Variants in PRDM16 observed in about 807,000 individuals in gnomAD.
PRDM16 encodes PR/SET domain 16.
PRDM16 carries 23 observed loss-of-function variants against 110.6 expected under a neutral mutation model. The ratio of observed to expected loss-of-function variants is 0.21; its 90% confidence interval spans 0.15 to 0.29. PRDM16 has a LOEUF of 0.29. Ranked by LOEUF, PRDM16 falls within the 10% of genes least tolerant of loss-of-function variation. PRDM16 has a pLI of 1.00. For synonymous variants in PRDM16, 799 were observed against 781.8 expected (o/e 1.02, Z -0.37); for missense variants, 1,615 against 1,794.3 (o/e 0.90, Z 1.81).
chr1:3,202,343 G>T (rs955382163), intron 2 of PRDM16, among the ~76,000 whole-genome samples: 9 of 150,218 alleles, frequency 6.0e-5, no homozygotes, highest in Non-Finnish European at 1.2e-4. Flanking sequence ...CATGCTGGGG[G>T]AGTCTGGGGG....
chr1:3,269,030 G>A (rs2455121), intron 3 of PRDM16, among the ~76,000 whole-genome samples: 39,634 of 152,280 alleles, frequency 0.26, 7,802 homozygotes, highest in African/African-American at 0.53. Flanking sequence ...GAGGCAGTGA[G>A]TCTTGGAGAC....
At chr1:3,385,054 T>C (rs1026358205) in intron 3 of PRDM16, 98 bp from the exon 4 acceptor site, 34 of 1,486,286 alleles carry the variant, frequency 2.3e-5, no homozygotes, top group Non-Finnish European at 3.0e-5. Context: ...GCCTTCCTAC[T>C]TGAGCCCAAA....
At position 3,358,930 on chromosome 1, in the gene PRDM16, A is replaced by G. The variant is rs1318874129; in HGVS notation, c.439-26222A>G. Among the ~76,000 whole-genome samples, 2 of 152,174 alleles carry G rather than the reference A, an allele frequency of 1.3e-5. No homozygotes were observed. Among genetic ancestry groups the G allele is most frequent in the African/African-American group, 4.8e-5 (2 of 41,450 alleles). On this transcript the variant is annotated intron_variant, in intron 3 of 16. Coordinates refer to ENST00000270722, the MANE Select transcript of PRDM16 (RefSeq NM_022114.4). This position sits in a 1 kb window ranked among gnomAD's most constrained non-coding sequence, Gnocchi z 4.0. ...AAGATGTTCTCCATGGCCGGCTCCCATGAGGAATCAGAGGGGGAAAGCACA... is the reference window on the plus strand; with the variant it reads ...AAGATGTTCTCCATGGCCGGCTCCCGTGAGGAATCAGAGGGGGAAAGCACA...
intron 3 of PRDM16, among the ~76,000 whole-genome samples, chr1:3,313,453 C>T (rs531904646): frequency 1.1e-4 from 16 of 152,286 alleles, no homozygotes; most frequent in African/African-American, 3.4e-4. Context: ...GAGTGATCCC[C>T]GGGCAGTGTC....
intron 1 of PRDM16, among the ~76,000 whole-genome samples, chr1:3,077,841 T>G (rs1018287063): frequency 6.6e-6 from 1 of 151,988 alleles, no homozygotes; most frequent in African/African-American, 2.4e-5. Flanking sequence ...CACACTGGGG[T>G]CTCCCCTAGC....
At chr1:3,335,631 A>ACACACACACC (rs1553165016) in intron 3 of PRDM16, among the ~76,000 whole-genome samples, 38 of 151,964 alleles carry the variant, frequency 2.5e-4, no homozygotes, top group African/African-American at 9.0e-4. Flanking sequence ...ACACACACAC[A>ACACACACACC]CACACACACA....
At chr1:3,120,976 G>C (rs529426218) in intron 1 of PRDM16, among the ~76,000 whole-genome samples, 2 of 152,376 alleles carry the variant, frequency 1.3e-5, no homozygotes, top group African/African-American at 2.4e-5. Context: ...GGTTTGGATT[G>C]GAAACAGGAT....
chr1:3,134,439 G>A (rs1643395965), intron 1 of PRDM16, among the ~76,000 whole-genome samples: 2 of 152,218 alleles, frequency 1.3e-5, no homozygotes, highest in African/African-American at 4.8e-5. Context: ...CCAAAGTTGG[G>A]GCCGAGGGGC....
chr1:3,330,625 C>T (rs1466787089), intron 3 of PRDM16, among the ~76,000 whole-genome samples: 2 of 152,248 alleles, frequency 1.3e-5, no homozygotes, highest in African/African-American at 2.4e-5. Flanking sequence ...TGTGCCTCCA[C>T]CTCAAATCCC....
At chr1:3,252,419 T>C in intron 3 of PRDM16, among the ~76,000 whole-genome samples, 1 of 152,124 alleles carries the variant, frequency 6.6e-6, no homozygotes, top group East Asian at 1.9e-4. Flanking sequence ...GGCCCAGTCC[T>C]GCTCTAGAGC....
intron 1 of PRDM16, among the ~76,000 whole-genome samples, chr1:3,073,428 A>G (rs1275502811): frequency 6.6e-6 from 1 of 152,252 alleles, no homozygotes; most frequent in African/African-American, 2.4e-5. Context: ...AAATTTTCAA[A>G]TAGCGTTAAA....
intron 1 of PRDM16, among the ~76,000 whole-genome samples, chr1:3,114,179 ACACACG>A (rs1553127232): frequency 2.9e-5 from 2 of 70,064 alleles, no homozygotes; most frequent in Admixed American, 1.6e-4. Flanking sequence ...ACACACGCAC[ACACACG>A]CACACACGCA....
intron 1 of PRDM16, among the ~76,000 whole-genome samples, chr1:3,099,813 C>A (rs1383798265): frequency 1.3e-5 from 2 of 152,226 alleles, no homozygotes; most frequent in African/African-American, 4.8e-5. Context: ...GGAGGAAATG[C>A]AGGTGCTGAA....
chr1:3,388,003 G>A (rs1455243467), intron 4 of PRDM16, among the ~76,000 whole-genome samples: 2 of 152,222 alleles, frequency 1.3e-5, no homozygotes, highest in East Asian at 1.9e-4. Context: ...TCCATTCCCT[G>A]GCCTTGACCA....
intron 1 of PRDM16, among the ~76,000 whole-genome samples, chr1:3,181,953 C>A (rs926519814): frequency 6.6e-6 from 1 of 152,124 alleles, no homozygotes; most frequent in African/African-American, 2.4e-5. Context: ...CACACACAGT[C>A]TTACACATGC....
rs75790988 is a variant in PRDM16, at chr1:3,424,337, T to C, written c.2940-1244T>C. Among the ~76,000 whole-genome samples, 847 of 152,348 alleles carry C rather than the reference T, an allele frequency of 5.6e-3. 66 individuals carry two copies. The East Asian group carries it at 0.14, about 26-fold the overall frequency. ...TTTCCCTGCCTGCAGGGTCACCACG[T>C]GTGGCTGTGAAGGTCACTCCCAGCC... On this transcript the variant is annotated intron_variant, in intron 12 of 16. Transcript: ENST00000270722.
chr1:3,367,891 AACTC>A (rs1021427748), intron 3 of PRDM16, among the ~76,000 whole-genome samples: 1 of 152,256 alleles, frequency 6.6e-6, no homozygotes, highest in African/African-American at 2.4e-5. Flanking sequence ...GAATCAAACT[AACTC>A]TTTGTACTTT....
rs870170 is a variant in PRDM16, at chr1:3,426,370, A to G, written c.3284+145A>G. On this transcript the variant is annotated intron_variant, in intron 14 of 16. Transcript: ENST00000270722. ...AGTGGGGGCCTCACCACAGAGGGTG[A>G]GGCCCCTGGGCTCTGGGAACCTGGG... 0.052 allele frequency: 31,495 copies of G among 600,680 alleles called. 7,569 individuals carry two copies. The highest frequency in any genetic ancestry group is 0.52 in the African/African-American group (27,907 of 53,430). 37.2% of individuals were successfully genotyped at this position (600,680 alleles called of 1,614,324 possible).
At chr1:3,401,989 GCA>G (rs1643480633) in intron 5 of PRDM16, among the ~76,000 whole-genome samples, 1 of 152,374 alleles carries the variant, frequency 6.6e-6, no homozygotes, top group African/African-American at 2.4e-5. Flanking sequence ...GCATAGACAT[GCA>G]CACACAGTCA....
Sources: gnomAD v4.1 joint callset for allele counts (sites outside exome capture counted in the v4.1 genomes callset) on GRCh38, gnomAD v4.1.1 for gene constraint, Gnocchi (gnomAD v3.1) non-coding constraint, MANE v1.5 for transcripts, NCBI Gene and HGNC (gene_info 2026-07-23, HGNC 2026-07-21) for gene names.